The following PXDNL variants were observed in gnomAD, a reference collection of about 807,000 sequenced individuals.
PXDNL encodes peroxidasin like.
A neutral mutation model predicts 150.8 loss-of-function variants in PXDNL; 145 were observed. The observed-to-expected ratio is 0.96, with a 90% CI of 0.84 to 1.10. PXDNL has a LOEUF of 1.10. Ranked by LOEUF, PXDNL falls within the 50% of genes least tolerant of loss-of-function variation. The probability of loss-of-function intolerance (pLI) is 0.00; values close to 1 mark genes in which losing one functional copy is unlikely to be tolerated. For missense variants in PXDNL, 2,087 were observed against 1,873.9 expected, an observed-to-expected ratio of 1.11 and a Z score of -2.10; for synonymous variants, 757 against 725.7, an observed-to-expected ratio of 1.04 and a Z score of -0.69.
chr8:51,470,420 C>T (rs972283729), intron 8 of PXDNL, among the ~76,000 whole-genome samples: 1 of 151,236 alleles, frequency 6.6e-6, no homozygotes, highest in Non-Finnish European at 1.5e-5. Flanking sequence ...TTTATACAAA[C>T]AAGCAAAAAA....
At chr8:51,689,296 C>A (rs1815939510) in intron 1 of PXDNL, among the ~76,000 whole-genome samples, 1 of 150,626 alleles carries the variant, frequency 6.6e-6, no homozygotes, top group Admixed American at 6.6e-5. Context: ...TCAGCTCCAA[C>A]TTATGGGCCA....
At chr8:51,794,227 T>C (rs1222554342) in intron 1 of PXDNL, among the ~76,000 whole-genome samples, 3 of 151,804 alleles carry the variant, frequency 2.0e-5, no homozygotes, top group African/African-American at 7.3e-5. Flanking sequence ...TAGAACCAAG[T>C]TGGAAAACAT....
chr8:51,412,787 C>T (rs2130901397), intron 15 of PXDNL, among the ~76,000 whole-genome samples: 2 of 152,220 alleles, frequency 1.3e-5, no homozygotes, highest in African/African-American at 4.8e-5. Flanking sequence ...TCGTAGGCTC[C>T]CAGTTTATAC....
chr8:51,629,730 T>A (rs1814451421), intron 2 of PXDNL, among the ~76,000 whole-genome samples: 1 of 152,142 alleles, frequency 6.6e-6, no homozygotes, highest in African/African-American at 2.4e-5. Context: ...AGATTTATCA[T>A]CAGAAACCAT....
intron 1 of PXDNL, among the ~76,000 whole-genome samples, chr8:51,740,679 T>G (rs1011688429): frequency 2.0e-5 from 3 of 150,406 alleles, no homozygotes; most frequent in African/African-American, 5.0e-5. Context: ...ATGGGGTTGT[T>G]TTTTTTTCTT....
chr8:51,716,830 C>T (rs1816624543), intron 1 of PXDNL, among the ~76,000 whole-genome samples: 2 of 152,182 alleles, frequency 1.3e-5, no homozygotes, highest in South Asian at 4.1e-4. Context: ...TCGGGCCCTT[C>T]ATAGCAAGCA....
intron 13 of PXDNL, among the ~76,000 whole-genome samples, 167 bp downstream of exon 13, chr8:51,426,479 A>G (rs1809102643): frequency 6.6e-6 from 1 of 152,198 alleles, no homozygotes; most frequent in Non-Finnish European, 1.5e-5. Context: ...CACTTAAAAA[A>G]AAAAAAGAAG....
At chr8:51,377,065 T>G (rs1445321083) in intron 17 of PXDNL, among the ~76,000 whole-genome samples, 2 of 150,516 alleles carry the variant, frequency 1.3e-5, no homozygotes, top group African/African-American at 4.9e-5. Context: ...TTCATTCTGC[T>G]TTAATGTCAC....
intron 4 of PXDNL, among the ~76,000 whole-genome samples, chr8:51,537,079 C>T (rs1812094689): frequency 6.6e-6 from 1 of 152,134 alleles, no homozygotes; most frequent in Non-Finnish European, 1.5e-5. Context: ...AACATAAATC[C>T]CAGATAAGAC....
intron 1 of PXDNL, among the ~76,000 whole-genome samples, chr8:51,720,793 G>A (rs1036148872): frequency 6.6e-6 from 1 of 152,184 alleles, no homozygotes; most frequent in African/African-American, 2.4e-5. Context: ...TAGTGGTCAC[G>A]GCGCTTTTCC....
At chr8:51,648,808 A>G (rs1015793987) in intron 2 of PXDNL, among the ~76,000 whole-genome samples, 1 of 152,260 alleles carries the variant, frequency 6.6e-6, no homozygotes, top group Non-Finnish European at 1.5e-5. Flanking sequence ...CCCAGGTAGA[A>G]GATTCTAAAA....
intron 1 of PXDNL, among the ~76,000 whole-genome samples, chr8:51,659,857 GT>G (rs1815229808): frequency 6.9e-6 from 1 of 145,940 alleles, no homozygotes; most frequent in African/African-American, 2.6e-5. Flanking sequence ...ACAAATTGCA[GT>G]ATTTATTTAT....
intron 1 of PXDNL, among the ~76,000 whole-genome samples, chr8:51,740,037 G>T (rs372363725): frequency 6.6e-6 from 1 of 152,120 alleles, no homozygotes; most frequent in Non-Finnish European, 1.5e-5. Flanking sequence ...GCTGATTAAA[G>T]AAACTAATGA....
chr8:51,325,602 A>G (rs1289325827), intron 21 of PXDNL, among the ~76,000 whole-genome samples: 1 of 152,122 alleles, frequency 6.6e-6, no homozygotes, highest in East Asian at 1.9e-4. Flanking sequence ...CCCCTGGTAA[A>G]TGGAGAGCAC....
rs190622621 is a variant in PXDNL at position 51,529,062 on chromosome 8, A to T, written c.380+27778T>A. On this transcript the variant is annotated intron_variant, in intron 4 of 22. Coordinates refer to ENST00000356297, the MANE Select transcript of PXDNL (RefSeq NM_144651.5). ...CAAATCTGTATATTGTTATACAGTT[A>T]TAAACATTATGGACGATGTCAGGTT... Among the ~76,000 whole-genome samples the T allele has an allele frequency of 1.6e-4, 25 of 152,366 alleles. No homozygotes were observed. The East Asian group carries it at 4.8e-3, about 29-fold the overall frequency.
At chr8:51,543,710 CAAA>C (rs572642373) in intron 4 of PXDNL, among the ~76,000 whole-genome samples, 1 of 60,430 alleles carries the variant, frequency 1.7e-5, no homozygotes. Flanking sequence ...GACTCCATAT[CAAA>C]AAAAAAAAAA....
chr8:51,624,181 A>G (rs1394737502), intron 2 of PXDNL, among the ~76,000 whole-genome samples: 8 of 151,674 alleles, frequency 5.3e-5, no homozygotes, highest in Admixed American at 5.3e-4. Context: ...CCCCCGGAGC[A>G]TAAAGTCAGC....
At chr8:51,321,218 C>A in intron 21 of PXDNL, 1 of 211,976 alleles carries the variant, frequency 4.7e-6, no homozygotes, top group Non-Finnish European at 9.2e-6. Flanking sequence ...TCTCAATAAG[C>A]ACACTTGTAA....
At chr8:51,457,875 G>A (rs1415990012) in intron 8 of PXDNL, among the ~76,000 whole-genome samples, 2 of 152,132 alleles carry the variant, frequency 1.3e-5, no homozygotes, top group Non-Finnish European at 2.9e-5. Context: ...AAGGCTCTGA[G>A]TCAACATTTG....
Sources: allele counts gnomAD v4.1 joint callset (sites outside exome capture counted in the v4.1 genomes callset), GRCh38; gene constraint gnomAD v4.1.1; transcripts MANE v1.5; gene names NCBI Gene and HGNC (gene_info 2026-07-23, HGNC 2026-07-21).